ITPR1: variants seen among roughly 807,000 people sequenced by gnomAD.
ITPR1 encodes inositol 1,4,5-trisphosphate-gated calcium channel ITPR1.
A neutral mutation model predicts 318.4 loss-of-function variants in ITPR1; 96 were observed. That is an observed-to-expected ratio of 0.30 (90% CI 0.26 to 0.36). The LOEUF (loss-of-function observed/expected upper bound fraction) is 0.36, where lower values mean the gene tolerates loss of function less well. Ranked by LOEUF, ITPR1 falls within the 10% of genes least tolerant of loss-of-function variation. The probability of loss-of-function intolerance (pLI) is 1.00; values close to 1 mark genes in which losing one functional copy is unlikely to be tolerated. For missense variants in ITPR1, 2,440 were observed against 3,460.2 expected (o/e 0.71, Z 7.40); for synonymous variants, 1,312 against 1,289.9 (o/e 1.02, Z -0.37).
chr3:4,802,647 G>C (rs1362905839), intron 54 of ITPR1, among the ~76,000 whole-genome samples: 1 of 151,982 alleles, frequency 6.6e-6, no homozygotes, highest in Non-Finnish European at 1.5e-5. Context: ...GTATGCATGT[G>C]AAACCCCTCT....
chr3:4,701,835 A>T (rs1022926923), intron 35 of ITPR1, among the ~76,000 whole-genome samples: 14 of 152,212 alleles, frequency 9.2e-5, no homozygotes, highest in Non-Finnish European at 1.6e-4. Context: ...AACCATGTTT[A>T]TCAGGGAGGT....
intron 49 of ITPR1, among the ~76,000 whole-genome samples, chr3:4,781,164 G>A (rs1004170025): frequency 1.3e-5 from 2 of 152,194 alleles, no homozygotes; most frequent in African/African-American, 2.4e-5. Context: ...TGTCTCCACC[G>A]TTACTTCCAG....
At chr3:4,506,433 C>T (rs914681368) in intron 2 of ITPR1, among the ~76,000 whole-genome samples, 1 of 152,138 alleles carries the variant, frequency 6.6e-6, no homozygotes, top group African/African-American at 2.4e-5. Flanking sequence ...TTCAGGTCTT[C>T]GCTTAAACAT....
chr3:4,750,817 A>G (rs1355921313), intron 44 of ITPR1: 1 of 152,034 alleles, frequency 6.6e-6, no homozygotes, highest in Non-Finnish European at 1.5e-5. Flanking sequence ...CTCCGGAAAC[A>G]GAATATTTTC....
At chr3:4,784,905 A>G (rs1483738172) in intron 51 of ITPR1, among the ~76,000 whole-genome samples, 1 of 151,976 alleles carries the variant, frequency 6.6e-6, no homozygotes, top group African/African-American at 2.4e-5. Flanking sequence ...AAAAAAAAAG[A>G]AAAAGTGTCA....
At position 4,652,103 on chromosome 3, in the gene ITPR1, C is replaced by A; in HGVS notation, c.856-20C>A. ...AGTGTAGGTTGACATTTCATTGACT[C>A]CTGTTGATCATTCTTGCAGGTGGTC... On this transcript the variant is annotated intron_variant, in intron 10 of 61. Coordinates refer to ENST00000649015, the MANE Select transcript of ITPR1 (RefSeq NM_001378452.1). The A allele has an allele frequency of 6.3e-7, 1 of 1,581,480 alleles. No homozygotes were observed. The highest frequency in any genetic ancestry group is 8.7e-7 in the Non-Finnish European group (1 of 1,154,562).
chr3:4,725,796 C>T (rs901527696), intron 41 of ITPR1, among the ~76,000 whole-genome samples: 2 of 152,216 alleles, frequency 1.3e-5, no homozygotes, highest in East Asian at 3.9e-4. Flanking sequence ...AACTGAGCAT[C>T]CTCCAGGTGC....
chr3:4,652,267 C>A, intron 11 of ITPR1, 49 bp downstream of exon 11: 1 of 1,311,032 alleles, frequency 7.6e-7, no homozygotes, highest in Non-Finnish European at 1.1e-6. Context: ...ACGCACCTCA[C>A]CGCCTTTCCT....
Position 4,644,176 on chromosome 3 carries a change from C to G in ITPR1, c.566C>G (p.Ala189Gly), listed in dbSNP as rs773553080. ...GDKVVLNPVN[A>G]GQPLHASSHQ... is the part of the protein sequence containing the mutation. ...AAGGTGGTTCTGAACCCCGTCAATG[C>G]TGGTCAGCCCCTACATGCTAGCAGC... The change falls in exon 8 of 62, where the codon GCT (alanine) becomes GGT (glycine). Residue 189 changes from alanine to glycine, a missense_variant. Around this residue, in one of 23 missense-constraint regions of ITPR1, gnomAD observed 186 missense variants for 323.9 expected, o/e 0.57. Coordinates refer to ENST00000649015, the MANE Select transcript of ITPR1 (RefSeq NM_001378452.1). 1 of 1,612,008 alleles carries G rather than the reference C, an allele frequency of 6.2e-7. No homozygotes were observed. Among genetic ancestry groups the G allele is most frequent in the Admixed American group, 1.7e-5 (1 of 59,792 alleles).
intron 4 of ITPR1, among the ~76,000 whole-genome samples, chr3:4,564,782 T>A (rs979041821): frequency 6.6e-5 from 10 of 152,304 alleles, no homozygotes; most frequent in Middle Eastern, 3.4e-3. Context: ...GATATTTTTT[T>A]AAGCTGCCTG....
intron 44 of ITPR1, among the ~76,000 whole-genome samples, chr3:4,745,597 G>A (rs2044046151): frequency 6.6e-6 from 1 of 152,092 alleles, no homozygotes; most frequent in Non-Finnish European, 1.5e-5. Flanking sequence ...ATGTTTTGAG[G>A]CCCCATCTCC....
At chr3:4,825,190 C>T (rs1456387168) in intron 60 of ITPR1, among the ~76,000 whole-genome samples, 2 of 152,228 alleles carry the variant, frequency 1.3e-5, no homozygotes, top group Non-Finnish European at 2.9e-5. Flanking sequence ...GCCTCTCCTG[C>T]TCCCTCTTCC....
intron 44 of ITPR1, among the ~76,000 whole-genome samples, chr3:4,761,098 C>G (rs2045407976): frequency 6.6e-6 from 1 of 152,126 alleles, no homozygotes; most frequent in Non-Finnish European, 1.5e-5. Context: ...CTACTCACAA[C>G]CCCCCACCCT....
At chr3:4,827,742 C>A (rs2050171560) in intron 60 of ITPR1, among the ~76,000 whole-genome samples, 1 of 152,096 alleles carries the variant, frequency 6.6e-6, no homozygotes, top group African/African-American at 2.4e-5. Flanking sequence ...AAGGTGTGAT[C>A]CTTAGGGTCT....
chr3:4,646,713 G>C (rs997024596), intron 10 of ITPR1, among the ~76,000 whole-genome samples: 1 of 152,158 alleles, frequency 6.6e-6, no homozygotes, highest in Non-Finnish European at 1.5e-5. Flanking sequence ...GACAAAGAAG[G>C]AAATGTTCTG....
chr3:4,842,919 T>A (rs925136916), intron 61 of ITPR1, among the ~76,000 whole-genome samples: 1 of 152,122 alleles, frequency 6.6e-6, no homozygotes, highest in South Asian at 2.1e-4. Context: ...TGTGAATGTA[T>A]GTAGGTGGGG....
intron 3 of ITPR1, among the ~76,000 whole-genome samples, chr3:4,519,989 G>T (rs573956480): frequency 1.3e-5 from 2 of 152,190 alleles, no homozygotes; most frequent in Non-Finnish European, 2.9e-5. Flanking sequence ...AGACAGGCAG[G>T]ACTTGAGGAG....
At chr3:4,610,099 G>C (rs568475379) in intron 4 of ITPR1, among the ~76,000 whole-genome samples, 2 of 152,266 alleles carry the variant, frequency 1.3e-5, no homozygotes, top group African/African-American at 4.8e-5. Flanking sequence ...GAATGCAACA[G>C]ATTTCTGTGG....
intron 60 of ITPR1, among the ~76,000 whole-genome samples, chr3:4,834,797 TA>T (rs1356420354): frequency 1.3e-5 from 2 of 152,202 alleles, no homozygotes; most frequent in Non-Finnish European, 2.9e-5. Context: ...TGAAATGGAA[TA>T]TTTTTTAACG....
Sources: gnomAD v4.1 joint callset for allele counts (sites outside exome capture counted in the v4.1 genomes callset) on GRCh38, gnomAD v4.1.1 for gene constraint, gnomAD v4.1.1 regional missense constraint, MANE v1.5 for transcripts, NCBI Gene and HGNC (gene_info 2026-07-23, HGNC 2026-07-21) for gene names.